CNTNAP2: variants seen among roughly 807,000 people sequenced by gnomAD.
CNTNAP2 encodes the protein contactin-associated protein-like 2.
A neutral mutation model predicts 155.2 loss-of-function variants in CNTNAP2; 98 were observed. That is an observed-to-expected ratio of 0.63 (90% CI 0.54 to 0.75). CNTNAP2 has a LOEUF of 0.75. CNTNAP2 is among the 30% of genes least tolerant of loss of function. CNTNAP2 has a pLI of 0.00. For missense variants in CNTNAP2, 1,727 were observed against 1,688.1 expected, an observed-to-expected ratio of 1.02 and a Z score of -0.40; for synonymous variants, 651 against 631.2, an observed-to-expected ratio of 1.03 and a Z score of -0.47.
intron 3 of CNTNAP2, among the ~76,000 whole-genome samples, chr7:146,895,040 C>T (rs1334930048): frequency 6.6e-6 from 1 of 152,122 alleles, no homozygotes; most frequent in Non-Finnish European, 1.5e-5. Flanking sequence ...ATCCCATCTA[C>T]AGGGACAGTT....
intron 4 of CNTNAP2, among the ~76,000 whole-genome samples, chr7:147,106,112 G>A (rs1410463732): frequency 3.9e-5 from 6 of 152,130 alleles, no homozygotes; most frequent in South Asian, 2.1e-4. Flanking sequence ...CTCAGGGAAC[G>A]TTTACTTCCT....
intron 4 of CNTNAP2, among the ~76,000 whole-genome samples, chr7:147,084,784 A>T (rs919603849): frequency 6.8e-6 from 1 of 147,302 alleles, no homozygotes; most frequent in Non-Finnish European, 1.5e-5. Flanking sequence ...ATGTAACATG[A>T]TGATGTAATA....
At chr7:147,743,211 G>A (rs540623352) in intron 13 of CNTNAP2, among the ~76,000 whole-genome samples, 21 of 152,226 alleles carry the variant, frequency 1.4e-4, no homozygotes, top group African/African-American at 3.4e-4. Context: ...GGTCATATGC[G>A]ATGTCCACTA....
intron 20 of CNTNAP2, among the ~76,000 whole-genome samples, chr7:148,247,901 A>C (rs1427517882): frequency 1.3e-5 from 2 of 151,710 alleles, no homozygotes; most frequent in African/African-American, 4.8e-5. Context: ...CAATCTGCCC[A>C]CCTCAGCCTC....
At chr7:147,238,076 G>A (rs536512899) in intron 8 of CNTNAP2, among the ~76,000 whole-genome samples, 7 of 152,250 alleles carry the variant, frequency 4.6e-5, no homozygotes, top group South Asian at 2.1e-4. Flanking sequence ...GTGCAGTGGC[G>A]CGATCTCGGC....
chr7:146,867,483 A>G (rs961229279), intron 3 of CNTNAP2, among the ~76,000 whole-genome samples: 1 of 152,082 alleles, frequency 6.6e-6, no homozygotes, highest in Non-Finnish European at 1.5e-5. Context: ...AATGAACATC[A>G]CGTGCATGTG....
intron 9 of CNTNAP2, among the ~76,000 whole-genome samples, chr7:147,350,824 G>C (rs1015570495): frequency 4.6e-5 from 7 of 151,670 alleles, no homozygotes; most frequent in Admixed American, 4.6e-4. Context: ...CATGTGCCTG[G>C]ACCAAAGCAT....
At chr7:147,335,507 A>G (rs543258338) in intron 9 of CNTNAP2, among the ~76,000 whole-genome samples, 1 of 152,156 alleles carries the variant, frequency 6.6e-6, no homozygotes, top group Non-Finnish European at 1.5e-5. Context: ...AGAATCCACT[A>G]TCATAGAGAA....
intron 1 of CNTNAP2, among the ~76,000 whole-genome samples, chr7:146,125,538 T>G (rs1006559331): frequency 2.3e-5 from 3 of 129,232 alleles, no homozygotes; most frequent in Non-Finnish European, 4.6e-5. Flanking sequence ...ATCGCGCCAC[T>G]GCACTCCAGC....
chr7:147,260,713 G>A (rs375582859), intron 8 of CNTNAP2, among the ~76,000 whole-genome samples: 26 of 152,252 alleles, frequency 1.7e-4, no homozygotes, highest in Admixed American at 3.3e-4. Context: ...AAGCAGGTGC[G>A]TATGCCTTGA....
chr7:146,342,293 A>G (rs1423722648), intron 1 of CNTNAP2, among the ~76,000 whole-genome samples: 6 of 152,304 alleles, frequency 3.9e-5, no homozygotes, highest in African/African-American at 9.6e-5. Context: ...CCAACATACT[A>G]CAAGTTGAAA....
At chr7:147,733,825 T>G (rs1414426766) in intron 13 of CNTNAP2, among the ~76,000 whole-genome samples, 2 of 152,178 alleles carry the variant, frequency 1.3e-5, no homozygotes, top group Admixed American at 6.5e-5. Context: ...CTGTCTGTTA[T>G]TGGTGTATAA....
intron 1 of CNTNAP2, among the ~76,000 whole-genome samples, chr7:146,459,663 G>C (rs147573659): frequency 3.3e-5 from 5 of 152,038 alleles, no homozygotes; most frequent in African/African-American, 1.2e-4. Flanking sequence ...CCACAAGGAG[G>C]TTTTAAAACA....
In CNTNAP2 at chr7:146,442,827, C is replaced by T. The variant is rs558721402; in HGVS notation, c.97+325854C>T. The stretch of plus-strand genomic sequence containing the variant: ...GTGAGTGTAAGCACTAAGCATTCTT[C>T]TTGTCTTGGGTGCAGATTTCACAGT... On this transcript the variant is annotated intron_variant, in intron 1 of 23. Transcript: ENST00000361727. Among the ~76,000 whole-genome samples, 35 of 152,246 alleles carry T rather than the reference C, an allele frequency of 2.3e-4. No individual in the cohort carries two copies. In the South Asian group the frequency reaches 2.9e-3, roughly 13 times the overall value.
intron 15 of CNTNAP2, among the ~76,000 whole-genome samples, chr7:148,059,464 G>A (rs181324957): frequency 3.3e-5 from 5 of 151,932 alleles, no homozygotes; most frequent in African/African-American, 1.2e-4. Context: ...GGTGGTGCAT[G>A]CCTGTAATCC....
chr7:147,945,036 T>C (rs1800793862), intron 14 of CNTNAP2, among the ~76,000 whole-genome samples: 1 of 152,220 alleles, frequency 6.6e-6, no homozygotes, highest in South Asian at 2.1e-4. Context: ...TTAAGGTGGA[T>C]GCATAATATT....
chr7:147,169,757 A>G (rs1263254091), intron 8 of CNTNAP2, among the ~76,000 whole-genome samples: 4 of 152,150 alleles, frequency 2.6e-5, no homozygotes, highest in African/African-American at 9.7e-5. Flanking sequence ...GGATAGACCA[A>G]TATCAACTTC....
chr7:146,727,501 G>T (rs1002949432), intron 1 of CNTNAP2, among the ~76,000 whole-genome samples: 1 of 152,156 alleles, frequency 6.6e-6, no homozygotes, highest in Non-Finnish European at 1.5e-5. Context: ...GATGACCTCT[G>T]TGTTCCTCAC....
At chr7:148,226,725 A>C (rs542330166) in intron 19 of CNTNAP2, among the ~76,000 whole-genome samples, 2 of 152,360 alleles carry the variant, frequency 1.3e-5, no homozygotes, top group Admixed American at 6.5e-5. Context: ...GCCACTGCGC[A>C]TGCAGACAGC....
Sources: allele counts gnomAD v4.1 joint callset (sites outside exome capture counted in the v4.1 genomes callset), GRCh38; gene constraint gnomAD v4.1.1; transcripts MANE v1.5; gene names NCBI Gene and HGNC (gene_info 2026-07-23, HGNC 2026-07-21).